FRMD5: variants seen among roughly 807,000 people sequenced by gnomAD.
The protein encoded by FRMD5 is FERM domain-containing protein 5.
A neutral mutation model predicts 69.0 loss-of-function variants in FRMD5; 20 were observed. The observed-to-expected ratio is 0.29, with a 90% CI of 0.20 to 0.42. The LOEUF is 0.42. Among genes scored for constraint, FRMD5 ranks in the 10% least tolerant of loss-of-function variants. The pLI, the probability that FRMD5 is intolerant of heterozygous loss-of-function variation, is 1.00. For missense variants in FRMD5, 595 were observed against 708.6 expected, an observed-to-expected ratio of 0.84 and a Z score of 1.82; for synonymous variants, 271 against 260.1, an observed-to-expected ratio of 1.04 and a Z score of -0.40.
intron 6 of FRMD5, among the ~76,000 whole-genome samples, chr15:43,902,683 C>T (rs2089075567): frequency 8.5e-6 from 1 of 117,802 alleles, no homozygotes. Context: ...GAATGAGACC[C>T]TGTCTCAAAA....
At position 43,871,102 on chromosome 15, in the gene FRMD5, A is replaced by G. The variant is rs926423065; in HGVS notation, c.*2783T>C. 6.6e-6 allele frequency: 1 copy of G among 152,252 alleles called. No homozygotes were observed. The highest frequency in any genetic ancestry group is 1.5e-5 in the Non-Finnish European group (1 of 68,036). 9.4% of individuals were successfully genotyped at this position (152,252 alleles called of 1,614,324 possible). The stretch of plus-strand genomic sequence containing the variant: ...AATGAGAGACATGTTAGAACACAGT[A>G]TAACCAGGTTAAAAACTTGAACAAT... On this transcript the variant is annotated 3_prime_UTR_variant, in exon 14 of 14. Transcript: ENST00000417257.
rs1339549691 is a variant in FRMD5 at position 43,874,482 on chromosome 15, A to G, written c.1136-20T>C. The G allele has an allele frequency of 6.3e-7, 1 of 1,594,720 alleles. No homozygotes were observed. Among genetic ancestry groups the G allele is most frequent in the South Asian group, 1.1e-5 (1 of 90,656 alleles). Reference sequence around the variant, plus strand: ...CTAGGCCTAGAAAGGCAAAAGGAACATGAGTAGGCTGTGTCCCAATGCACC... The same window carrying G: ...CTAGGCCTAGAAAGGCAAAAGGAACGTGAGTAGGCTGTGTCCCAATGCACC... On this transcript the variant is annotated intron_variant, in intron 13 of 13. Transcript: ENST00000417257.
At chr15:44,161,156 T>C (rs1313190840) in intron 1 of FRMD5, among the ~76,000 whole-genome samples, 1 of 152,184 alleles carries the variant, frequency 6.6e-6, no homozygotes, top group African/African-American at 2.4e-5. Context: ...TAGACAGAGA[T>C]GCCTCCATCT....
chr15:44,088,129 C>T (rs1347376944), intron 1 of FRMD5, among the ~76,000 whole-genome samples: 1 of 152,116 alleles, frequency 6.6e-6, no homozygotes, highest in Non-Finnish European at 1.5e-5. Flanking sequence ...GGCAAAAACT[C>T]CCCCAATTTT....
intron 11 of FRMD5, 78 bp from the exon 12 acceptor site, chr15:43,884,873 G>C (rs1348042647): frequency 1.3e-5 from 16 of 1,263,888 alleles, no homozygotes; most frequent in Non-Finnish European, 1.7e-5. Flanking sequence ...GATCTTAGGT[G>C]CTTTCCCTGA....
At chr15:44,019,482 C>A (rs2140246148) in intron 1 of FRMD5, among the ~76,000 whole-genome samples, 1 of 150,200 alleles carries the variant, frequency 6.7e-6, no homozygotes, top group East Asian at 2.0e-4. Context: ...ACACCTGTAA[C>A]CTCAACACTT....
At chr15:44,191,921 ATTATATATATATATATATATG>A (rs2078202258) in intron 1 of FRMD5, among the ~76,000 whole-genome samples, 1 of 12,186 alleles carries the variant, frequency 8.2e-5, no homozygotes, top group Admixed American at 1.3e-3. Flanking sequence ...ATATATATAT[ATTATATATATATATATATATG>A]TATCTCCATA....
chr15:44,193,153 A>C (rs1320055660), intron 1 of FRMD5, among the ~76,000 whole-genome samples: 1 of 152,232 alleles, frequency 6.6e-6, no homozygotes, highest in Non-Finnish European at 1.5e-5. Context: ...TAAAACCACA[A>C]GGTTAACAAT....
rs1412116486 is a variant in FRMD5 at position 43,871,119 on chromosome 15, T to C, written c.*2766A>G. 6.6e-6 allele frequency: 1 copy of C among 152,120 alleles called. No homozygotes were observed. The highest frequency in any genetic ancestry group is 1.5e-5 in the Non-Finnish European group (1 of 68,012). The allele number at this position is 152,120 out of a possible 1,614,324, so 9.4% of individuals were successfully genotyped here. ...AACACAGTATAACCAGGTTAAAAACTTGAACAATTTTTAAAGGTGGAGATA... is the reference window on the plus strand; with the variant it reads ...AACACAGTATAACCAGGTTAAAAACCTGAACAATTTTTAAAGGTGGAGATA... On this transcript the variant is annotated 3_prime_UTR_variant, in exon 14 of 14. Coordinates refer to ENST00000417257, the MANE Select transcript of FRMD5 (RefSeq NM_032892.5).
chr15:44,002,784 A>G (rs1476828178), intron 1 of FRMD5, among the ~76,000 whole-genome samples: 1 of 152,106 alleles, frequency 6.6e-6, no homozygotes, highest in African/African-American at 2.4e-5. Context: ...CTGCCTGTGG[A>G]TTTCATTTCT....
At chr15:43,999,953 CATATATATATATATAT>C (rs34872140) in intron 1 of FRMD5, among the ~76,000 whole-genome samples, 4 of 82,902 alleles carry the variant, frequency 4.8e-5, no homozygotes, top group African/African-American at 2.6e-4. Flanking sequence ...ATATGCCATG[CATATATATATATATAT>C]ATATATATAT....
chr15:44,195,481 G>A (rs2078278331), upstream of FRMD5, among the ~76,000 whole-genome samples: 1 of 152,224 alleles, frequency 6.6e-6, no homozygotes, highest in Non-Finnish European at 1.5e-5. Flanking sequence ...TCCCAAACGA[G>A]GGGTTCCTCT....
At chr15:44,184,051 G>A (rs1165546374) in intron 1 of FRMD5, among the ~76,000 whole-genome samples, 3 of 150,442 alleles carry the variant, frequency 2.0e-5, no homozygotes, top group Non-Finnish European at 2.9e-5. Flanking sequence ...CTCCAGATTC[G>A]TCCAGGTATT....
At chr15:44,074,231 T>C (rs1259888798) in intron 1 of FRMD5, among the ~76,000 whole-genome samples, 1 of 152,192 alleles carries the variant, frequency 6.6e-6, no homozygotes, top group East Asian at 1.9e-4. Context: ...AAGTAATAAT[T>C]GGGCCTGGAA....
chr15:43,967,822 C>T (rs918905248), intron 1 of FRMD5, among the ~76,000 whole-genome samples: 5 of 151,414 alleles, frequency 3.3e-5, no homozygotes, highest in Non-Finnish European at 7.4e-5. Flanking sequence ...TATAGGTATA[C>T]ATGTGTCATG....
intron 10 of FRMD5, among the ~76,000 whole-genome samples, chr15:43,886,508 C>T (rs2088667613): frequency 6.6e-6 from 1 of 152,182 alleles, no homozygotes; most frequent in Admixed American, 6.5e-5. Flanking sequence ...CCCATTAGCT[C>T]TCTCAGCTTG....
intron 1 of FRMD5, among the ~76,000 whole-genome samples, chr15:44,135,499 T>G (rs1264316233): frequency 6.6e-6 from 1 of 152,160 alleles, no homozygotes; most frequent in Non-Finnish European, 1.5e-5. Flanking sequence ...TACAGACATT[T>G]CTCTGTGTTG....
At chr15:43,965,822 C>T (rs549612432) in intron 1 of FRMD5, among the ~76,000 whole-genome samples, 2 of 151,776 alleles carry the variant, frequency 1.3e-5, no homozygotes, top group South Asian at 2.1e-4. Context: ...TCAGGTGATC[C>T]GCCCACCTTG....
intron 1 of FRMD5, among the ~76,000 whole-genome samples, chr15:44,018,440 G>A (rs1891066492): frequency 6.6e-6 from 1 of 152,160 alleles, no homozygotes; most frequent in African/African-American, 2.4e-5. Flanking sequence ...TTAAGTTTGG[G>A]CATGTGAGTA....
Sources: gnomAD v4.1 joint callset for allele counts (sites outside exome capture counted in the v4.1 genomes callset) on GRCh38, gnomAD v4.1.1 for gene constraint, MANE v1.5 for transcripts, NCBI Gene and HGNC (gene_info 2026-07-23, HGNC 2026-07-21) for gene names.